Variants in NBEA observed in about 807,000 individuals in gnomAD.
NBEA encodes the protein neurobeachin.
A neutral mutation model predicts 343.4 loss-of-function variants in NBEA; 44 were observed. The observed-to-expected ratio is 0.13, with a 90% confidence interval of 0.10 to 0.16. The LOEUF (loss-of-function observed/expected upper bound fraction) is 0.16. NBEA is among the 10% of genes least tolerant of loss of function. NBEA has a pLI of 1.00. For missense variants in NBEA, 2,555 were observed against 3,631.3 expected, an observed-to-expected ratio of 0.70 and a Z score of 7.62; for synonymous variants, 1,175 against 1,238.7, an observed-to-expected ratio of 0.95 and a Z score of 1.08.
intron 1 of NBEA, among the ~76,000 whole-genome samples, chr13:34,984,041 C>CA (rs562425206): frequency 6.6e-6 from 1 of 151,844 alleles, no homozygotes; most frequent in Middle Eastern, 3.4e-3. Flanking sequence ...GTTTAATTGA[C>CA]AAATCCCATT....
intron 41 of NBEA, among the ~76,000 whole-genome samples, chr13:35,537,500 A>T (rs746298989): frequency 2.6e-5 from 4 of 152,134 alleles, no homozygotes; most frequent in Admixed American, 6.5e-5. Flanking sequence ...AGTCTAGTGG[A>T]GGAGATTACA....
chr13:35,221,190 A>G (rs1360593386), intron 33 of NBEA, among the ~76,000 whole-genome samples: 2 of 152,076 alleles, frequency 1.3e-5, no homozygotes, highest in Non-Finnish European at 2.9e-5. Flanking sequence ...CTAAAAATAC[A>G]AAAATTAGCT....
intron 13 of NBEA, among the ~76,000 whole-genome samples, chr13:35,115,784 A>C (rs2066463777): frequency 6.6e-6 from 1 of 152,190 alleles, no homozygotes; most frequent in Admixed American, 6.6e-5. Flanking sequence ...TTGTGATTAA[A>C]ATGGGCCTGG....
chr13:35,054,333 A>G lies in NBEA; in HGVS notation c.973-1677A>G, dbSNP rs1367725575. ...ATAAGATTTTCCTTAAATTTATTTG[A>G]CACTCTTTTTACGGTTTTTTCTTGA... is the stretch of plus-strand genomic sequence containing the variant. On this transcript the variant is annotated intron_variant, in intron 6 of 58. Transcript: ENST00000379939. Among the ~76,000 whole-genome samples, 4 of 152,078 alleles carry G rather than the reference A, an allele frequency of 2.6e-5. No homozygotes were observed. In the East Asian group the frequency reaches 7.7e-4, roughly 29 times the overall value.
At chr13:35,469,240 A>G (rs1255179447) in intron 40 of NBEA, among the ~76,000 whole-genome samples, 1 of 151,978 alleles carries the variant, frequency 6.6e-6, no homozygotes, top group East Asian at 1.9e-4. Context: ...TTTAAAATAT[A>G]TTTGATAAAT....
intron 10 of NBEA, among the ~76,000 whole-genome samples, chr13:35,071,738 T>C (rs1272927706): frequency 6.6e-6 from 1 of 151,920 alleles, no homozygotes; most frequent in African/African-American, 2.4e-5. Flanking sequence ...ATGAGAAAAA[T>C]TTAAGGTACA....
In NBEA at chr13:35,484,212, TTAAA is replaced by T. The variant is rs530698380; in HGVS notation, c.6585+11679_6585+11682del. Among the ~76,000 whole-genome samples the T allele has an allele frequency of 1.3e-4, 20 of 150,062 alleles. 1 individual carries two copies. The South Asian group carries it at 2.7e-3, about 21-fold the overall frequency. ...CATTTTGTCCATAGAAAAAATTTAC[TTAAA>T]TATTTACCTACATTAATATGTGTGT... On this transcript the variant is annotated intron_variant, in intron 41 of 58. Coordinates refer to ENST00000379939, the MANE Select transcript of NBEA (RefSeq NM_001385012.1).
At chr13:35,638,380 G>A (rs988550607) in intron 49 of NBEA, among the ~76,000 whole-genome samples, 1 of 152,156 alleles carries the variant, frequency 6.6e-6, no homozygotes, top group Non-Finnish European at 1.5e-5. Context: ...ACAAGGAAAG[G>A]GAGCCATTCC....
intron 17 of NBEA, among the ~76,000 whole-genome samples, chr13:35,133,409 G>T (rs1434887255): frequency 2.0e-5 from 3 of 151,914 alleles, no homozygotes; most frequent in African/African-American, 7.3e-5. Flanking sequence ...ATTATATACT[G>T]GTACAATCAC....
chr13:35,559,191 C>A (rs1412587609), intron 44 of NBEA, among the ~76,000 whole-genome samples: 1 of 152,148 alleles, frequency 6.6e-6, no homozygotes, highest in Non-Finnish European at 1.5e-5. Flanking sequence ...CTTGTTAGGG[C>A]AGCAATTAGA....
intron 47 of NBEA, among the ~76,000 whole-genome samples, chr13:35,594,008 A>C (rs1255291470): frequency 1.3e-5 from 2 of 152,162 alleles, no homozygotes. Flanking sequence ...GTAATTTTAC[A>C]GTTGGTACTG....
intron 39 of NBEA, among the ~76,000 whole-genome samples, chr13:35,445,157 C>A (rs2045929320): frequency 6.6e-6 from 1 of 152,106 alleles, no homozygotes; most frequent in East Asian, 1.9e-4. Flanking sequence ...TAGACTCATG[C>A]TTTATCTTGA....
intron 41 of NBEA, among the ~76,000 whole-genome samples, chr13:35,537,631 G>T (rs1431162603): frequency 6.6e-6 from 1 of 152,122 alleles, no homozygotes; most frequent in African/African-American, 2.4e-5. Context: ...AGCTAGGGAG[G>T]TCAGTGGCAA....
chr13:35,476,167 G>A (rs2075854585), intron 41 of NBEA: 1 of 1,612,346 alleles, frequency 6.2e-7, no homozygotes, highest in Non-Finnish European at 8.5e-7. Context: ...ATTGTACACC[G>A]GAGTCTCGCA....
intron 1 of NBEA, among the ~76,000 whole-genome samples, chr13:34,980,016 G>C (rs1002543264): frequency 1.3e-5 from 2 of 152,116 alleles, no homozygotes; most frequent in South Asian, 4.1e-4. Context: ...TGAATGATGT[G>C]TAAGTATGAG....
At chr13:35,258,286 G>A (rs2032853858) in intron 34 of NBEA, among the ~76,000 whole-genome samples, 1 of 151,602 alleles carries the variant, frequency 6.6e-6, no homozygotes, top group Non-Finnish European at 1.5e-5. Flanking sequence ...TCCTGCCTCA[G>A]CCTCCTGAGT....
chr13:34,946,695 C>T (rs182321065), intron 1 of NBEA, among the ~76,000 whole-genome samples: 225 of 149,222 alleles, frequency 1.5e-3, no homozygotes, highest in African/African-American at 5.4e-3. Flanking sequence ...ATGATATTTC[C>T]TCTGATTTTT....
chr13:35,576,217 G>A (rs148705551), intron 45 of NBEA, among the ~76,000 whole-genome samples: 126 of 150,966 alleles, frequency 8.3e-4, no homozygotes, highest in African/African-American at 2.9e-3. Context: ...CCGAGATTCA[G>A]GCAATTCTCC....
At chr13:35,137,853 ATGAG>A (rs2067831118) in intron 17 of NBEA, among the ~76,000 whole-genome samples, 1 of 152,172 alleles carries the variant, frequency 6.6e-6, no homozygotes, top group Admixed American at 6.5e-5. Flanking sequence ...AGTAGAAAGA[ATGAG>A]TATTAAGTAT....
Sources: gnomAD v4.1 joint callset for allele counts (sites outside exome capture counted in the v4.1 genomes callset) on GRCh38, gnomAD v4.1.1 for gene constraint, MANE v1.5 for transcripts, NCBI Gene and HGNC (gene_info 2026-07-23, HGNC 2026-07-21) for gene names.